CEP126: variants seen among roughly 807,000 people sequenced by gnomAD.
The protein encoded by CEP126 is centrosomal protein 126.
In CEP126, 74 loss-of-function variants were observed where a neutral mutation model predicts 107.8. The observed-to-expected ratio is 0.69, with a 90% confidence interval of 0.57 to 0.83. The LOEUF is 0.83. Among genes scored for constraint, CEP126 ranks in the 40% least tolerant of loss-of-function variants. The pLI, the probability that CEP126 is intolerant of heterozygous loss-of-function variation, is 0.00. For synonymous variants in CEP126, 449 were observed against 446.0 expected, an observed-to-expected ratio of 1.01 and a Z score of -0.08; for missense variants, 1,237 against 1,281.9, an observed-to-expected ratio of 0.96 and a Z score of 0.53.
intron 2 of CEP126, among the ~76,000 whole-genome samples, chr11:101,942,657 A>G (rs1940682011): frequency 6.6e-6 from 1 of 151,872 alleles, no homozygotes; most frequent in Non-Finnish European, 1.5e-5. Context: ...GCAAAGAAAA[A>G]AAAAGTCATT....
At chr11:101,935,110 C>T (rs1031497578) in intron 2 of CEP126, among the ~76,000 whole-genome samples, 6 of 151,932 alleles carry the variant, frequency 3.9e-5, no homozygotes, top group African/African-American at 1.4e-4. Context: ...GTTTAGTTTT[C>T]ACTTGCCTGA....
intron 2 of CEP126, among the ~76,000 whole-genome samples, chr11:101,938,583 C>T (rs1162943935): frequency 1.3e-5 from 2 of 152,014 alleles, no homozygotes; most frequent in African/African-American, 4.8e-5. Flanking sequence ...CATGGTGGCT[C>T]ACACCTGTAA....
intron 2 of CEP126, among the ~76,000 whole-genome samples, chr11:101,938,322 C>A (rs1411552885): frequency 6.6e-6 from 1 of 150,660 alleles, no homozygotes; most frequent in Non-Finnish European, 1.5e-5. Flanking sequence ...TTTGTTTTCC[C>A]TTTTTTTCTT....
chr11:101,936,308 A>G (rs975353488), intron 2 of CEP126, among the ~76,000 whole-genome samples: 1 of 151,974 alleles, frequency 6.6e-6, no homozygotes, highest in Admixed American at 6.6e-5. Context: ...TGACTCCTAA[A>G]TATTTTGTAT....
At chr11:101,944,149 T>G (rs180898730) in intron 2 of CEP126, 116 bp from the exon 3 acceptor site, 12 of 999,892 alleles carry the variant, frequency 1.2e-5, no homozygotes, top group Non-Finnish European at 1.7e-5. Context: ...AAATTTGTTG[T>G]TTTTAAATAA....
At chr11:101,951,599 T>C (rs1004939221) in intron 4 of CEP126, among the ~76,000 whole-genome samples, 5 of 151,638 alleles carry the variant, frequency 3.3e-5, no homozygotes, top group African/African-American at 9.7e-5. Context: ...AATTGGAGAA[T>C]AGACAGAATA....
intron 8 of CEP126, among the ~76,000 whole-genome samples, chr11:101,983,658 A>T (rs1413370988): frequency 6.6e-6 from 1 of 152,238 alleles, no homozygotes; most frequent in Admixed American, 6.5e-5. Context: ...GTCATCGCTG[A>T]TGAATATCTG....
intron 4 of CEP126, among the ~76,000 whole-genome samples, chr11:101,951,116 G>C (rs1233490269): frequency 6.6e-6 from 1 of 152,138 alleles, no homozygotes; most frequent in Non-Finnish European, 1.5e-5. Context: ...GAGGATGAGA[G>C]AGAAGAAAGA....
chr11:101,972,368 G>T (rs1941141402), intron 6 of CEP126, among the ~76,000 whole-genome samples: 1 of 152,130 alleles, frequency 6.6e-6, no homozygotes, highest in South Asian at 2.1e-4. Flanking sequence ...GGAGCTTGTA[G>T]TGAGCCGAGA....
intron 7 of CEP126, among the ~76,000 whole-genome samples, chr11:101,978,661 T>A (rs1321353861): frequency 6.6e-6 from 1 of 152,234 alleles, no homozygotes; most frequent in Non-Finnish European, 1.5e-5. Flanking sequence ...TTCTGTATAA[T>A]CAGTTACTAA....
At chr11:101,929,867 T>G (rs532720682) in intron 2 of CEP126, among the ~76,000 whole-genome samples, 1 of 152,260 alleles carries the variant, frequency 6.6e-6, no homozygotes, top group South Asian at 2.1e-4. Flanking sequence ...AACCACAATT[T>G]TCTGTGGTGT....
rs992271349 is a variant in CEP126 at position 101,975,932 on chromosome 11, G to T, written c.2846-2415G>T. Among the ~76,000 whole-genome samples, 3 of 152,138 alleles carry T rather than the reference G, an allele frequency of 2.0e-5. No homozygotes were observed. In the South Asian group the frequency reaches 6.2e-4, roughly 31 times the overall value. The stretch of plus-strand genomic sequence containing the variant: ...AAAGGACATGATCTTTTTTATGGCT[G>T]CATAGTACTCCATGTTGTATACGTA... On this transcript the variant is annotated intron_variant, in intron 6 of 10. Coordinates refer to ENST00000263468, the MANE Select transcript of CEP126 (RefSeq NM_020802.4).
chr11:101,919,290 G>T (rs1486259905), intron 1 of CEP126, among the ~76,000 whole-genome samples: 1 of 152,056 alleles, frequency 6.6e-6, no homozygotes, highest in East Asian at 1.9e-4. Flanking sequence ...GAAAAAATGG[G>T]TTATATAATA....
At chr11:101,974,313 G>T (rs556096609) in intron 6 of CEP126, among the ~76,000 whole-genome samples, 3 of 152,090 alleles carry the variant, frequency 2.0e-5, no homozygotes, top group Non-Finnish European at 4.4e-5. Context: ...ATTCCCCGGG[G>T]CTATGAGAGG....
In CEP126 at chr11:101,986,818, G is replaced by C. The variant is rs769635226; in HGVS notation, c.3035-14G>C. 1.2e-6 allele frequency: 2 copies of C among 1,606,572 alleles called. No individual in the cohort carries two copies. The highest frequency in any genetic ancestry group is 1.1e-5 in the South Asian group (1 of 90,914). On this transcript the variant is annotated splice_polypyrimidine_tract_variant and intron_variant, in intron 8 of 10. Coordinates refer to ENST00000263468, the MANE Select transcript of CEP126 (RefSeq NM_020802.4). ...AAAAGGGGTTCAAAGAATAACTGAT[G>C]TAAGTTTCTGTAGTTTCAGATAGTA...
In CEP126 at chr11:101,963,326, A is replaced by T. The variant is rs747025315; in HGVS notation, c.2291A>T (p.Lys764Ile). 3.1e-6 allele frequency: 5 copies of T among 1,613,876 alleles called. No individual in the cohort carries two copies. Among genetic ancestry groups the T allele is most frequent in the Non-Finnish European group, 4.2e-6 (5 of 1,179,978 alleles). Reference sequence around the variant, plus strand: ...ATAATTAGAAAACCAGGATCTGCAAAAGTCCAATCAGGCTTTATATGTACA... The same window carrying T: ...ATAATTAGAAAACCAGGATCTGCAATAGTCCAATCAGGCTTTATATGTACA... ...AKIIRKPGSA[K>I]VQSGFICTNR... The change falls in exon 6 of 11, where the codon AAA becomes ATA. Residue 764 changes from lysine to isoleucine, a missense_variant. Coordinates refer to ENST00000263468, the MANE Select transcript of CEP126 (RefSeq NM_020802.4).
chr11:101,987,122 TGAAAA>T, intron 9 of CEP126, 81 bp downstream of exon 9: 4 of 1,032,550 alleles, frequency 3.9e-6, no homozygotes, highest in Non-Finnish European at 5.7e-6. Flanking sequence ...ATTTAAAAAT[TGAAAA>T]GAAAAATACA....
At chr11:101,975,481 C>G (rs115969252) in intron 6 of CEP126, among the ~76,000 whole-genome samples, 1 of 152,178 alleles carries the variant, frequency 6.6e-6, no homozygotes, top group Admixed American at 6.5e-5. Context: ...TAGAGCCCAA[C>G]TAATTGGAGC....
At chr11:101,992,504 G>A (rs192645353) in intron 9 of CEP126, among the ~76,000 whole-genome samples, 6 of 151,808 alleles carry the variant, frequency 4.0e-5, no homozygotes, top group South Asian at 2.1e-4. Context: ...GAAAGAAAAC[G>A]TAATATTTGA....
Sources: gnomAD v4.1 joint callset for allele counts (sites outside exome capture counted in the v4.1 genomes callset) on GRCh38, gnomAD v4.1.1 for gene constraint, MANE v1.5 for transcripts, NCBI Gene and HGNC (gene_info 2026-07-23, HGNC 2026-07-21) for gene names.